Variants in NRXN1 observed in about 807,000 individuals in gnomAD.
NRXN1 encodes neurexin 1.
Under a neutral mutation model 150.9 loss-of-function variants are expected in NRXN1, and 39 were observed. That is an observed-to-expected ratio of 0.26 (90% CI 0.20 to 0.34). NRXN1 has a LOEUF of 0.34. NRXN1 is among the 10% of genes least tolerant of loss of function. The probability of loss-of-function intolerance (pLI) is 1.00; values close to 1 mark genes in which losing one functional copy is unlikely to be tolerated. For synonymous variants in NRXN1, 924 were observed against 757.0 expected (o/e 1.22, Z -3.62); for missense variants, 1,815 against 1,949.9 (o/e 0.93, Z 1.30).
At chr2:50,060,564 C>G (rs1483120289) in intron 19 of NRXN1, among the ~76,000 whole-genome samples, 1 of 151,968 alleles carries the variant, frequency 6.6e-6, no homozygotes, top group Admixed American at 6.6e-5. Flanking sequence ...TGGGAGGGGC[C>G]AGGGATATGG....
intron 7 of NRXN1, chr2:50,620,983 C>T (rs1228956325): frequency 1.1e-5 from 5 of 442,204 alleles, no homozygotes; most frequent in Non-Finnish European, 1.6e-5. Flanking sequence ...GGATGCAAAA[C>T]GTTCGAAACG....
At chr2:50,741,016 CCTT>C (rs1699358209) in intron 5 of NRXN1, among the ~76,000 whole-genome samples, 1 of 152,238 alleles carries the variant, frequency 6.6e-6, no homozygotes, top group Non-Finnish European at 1.5e-5. Context: ...TAAAATTACT[CCTT>C]CTGTCTGTCA....
chr2:50,570,347 A>C (rs532507430), intron 8 of NRXN1, among the ~76,000 whole-genome samples: 1 of 152,194 alleles, frequency 6.6e-6, no homozygotes, highest in Non-Finnish European at 1.5e-5. Flanking sequence ...GGGCATTTCC[A>C]TAGCACTGGT....
chr2:50,533,314 G>C (rs2093167732), intron 10 of NRXN1, among the ~76,000 whole-genome samples: 1 of 152,038 alleles, frequency 6.6e-6, no homozygotes, highest in South Asian at 2.1e-4. Context: ...TTTTCAATTG[G>C]AATATGAAAT....
intron 5 of NRXN1, among the ~76,000 whole-genome samples, chr2:50,728,190 C>T (rs548104760): frequency 3.2e-4 from 49 of 152,044 alleles, no homozygotes; most frequent in African/African-American, 1.0e-3. Context: ...ATTATAGACA[C>T]TTATATGACT....
At chr2:50,672,175 T>G (rs1688951261) in intron 5 of NRXN1, among the ~76,000 whole-genome samples, 1 of 151,940 alleles carries the variant, frequency 6.6e-6, no homozygotes, top group Admixed American at 6.6e-5. Context: ...CATAGGAACT[T>G]AAATAATTTG....
At chr2:50,196,794 A>C (rs928158600) in intron 18 of NRXN1, among the ~76,000 whole-genome samples, 1 of 152,182 alleles carries the variant, frequency 6.6e-6, no homozygotes, top group South Asian at 2.1e-4. Flanking sequence ...TTTCTCAGCA[A>C]ACTAATGCAG....
chr2:50,690,050 C>T (rs957133985), intron 5 of NRXN1, among the ~76,000 whole-genome samples: 2 of 152,046 alleles, frequency 1.3e-5, no homozygotes, highest in Admixed American at 1.3e-4. Flanking sequence ...CTATGCTTGG[C>T]TAATTTTTGT....
intron 17 of NRXN1, among the ~76,000 whole-genome samples, chr2:50,240,934 T>G (rs1252021643): frequency 6.6e-6 from 1 of 151,726 alleles, no homozygotes; most frequent in East Asian, 1.9e-4. Flanking sequence ...ATTGTTTTAT[T>G]TTAATATGAA....
At chr2:50,302,716 T>A (rs1003973427) in intron 17 of NRXN1, among the ~76,000 whole-genome samples, 7 of 152,172 alleles carry the variant, frequency 4.6e-5, no homozygotes, top group African/African-American at 1.2e-4. Context: ...GCTGAAAACA[T>A]CTTTCATTAC....
At chr2:50,409,537 G>A in intron 17 of NRXN1, among the ~76,000 whole-genome samples, 1 of 152,270 alleles carries the variant, frequency 6.6e-6, no homozygotes, top group East Asian at 1.9e-4. Flanking sequence ...ACATACTTAA[G>A]CACCCTCTTT....
chr2:50,519,438 A>G (rs1185118214), intron 12 of NRXN1, among the ~76,000 whole-genome samples: 1 of 152,002 alleles, frequency 6.6e-6, no homozygotes, highest in African/African-American at 2.4e-5. Context: ...TCTGAAATGA[A>G]TGGCTCACCT....
chr2:50,440,263 T>A (rs900760285), intron 17 of NRXN1, among the ~76,000 whole-genome samples: 2 of 152,116 alleles, frequency 1.3e-5, no homozygotes, highest in Non-Finnish European at 2.9e-5. Context: ...TGGTTCCAGA[T>A]GACATAGGGT....
At chr2:50,309,829 G>A (rs950994988) in intron 17 of NRXN1, among the ~76,000 whole-genome samples, 2 of 151,894 alleles carry the variant, frequency 1.3e-5, no homozygotes, top group Non-Finnish European at 2.9e-5. Flanking sequence ...TGTCCTGAGA[G>A]CCTAGCGGAA....
intron 17 of NRXN1, among the ~76,000 whole-genome samples, chr2:50,380,109 T>C (rs183572245): frequency 6.6e-6 from 1 of 152,124 alleles, no homozygotes; most frequent in African/African-American, 2.4e-5. Context: ...AGAATATATA[T>C]TTTTTACTTT....
At chr2:50,330,832 T>C (rs1054328057) in intron 17 of NRXN1, among the ~76,000 whole-genome samples, 4 of 152,164 alleles carry the variant, frequency 2.6e-5, no homozygotes, top group African/African-American at 7.2e-5. Flanking sequence ...GGCGACTCAT[T>C]AATAAAGCTG....
At chr2:50,146,301 C>A (rs184842065) in intron 18 of NRXN1, among the ~76,000 whole-genome samples, 235 of 151,718 alleles carry the variant, frequency 1.5e-3, no homozygotes, top group African/African-American at 5.3e-3. Flanking sequence ...CTAGAAATAC[C>A]ATTTGACCCA....
intron 15 of NRXN1, among the ~76,000 whole-genome samples, chr2:50,486,310 C>T (rs13410477): frequency 0.056 from 8,449 of 152,116 alleles, 820 homozygotes; most frequent in African/African-American, 0.19. Flanking sequence ...TATCTTTGAA[C>T]AGAGAATACA....
chr2:50,931,193 G>C (rs1245784941), intron 2 of NRXN1, among the ~76,000 whole-genome samples: 2 of 152,030 alleles, frequency 1.3e-5, no homozygotes, highest in Non-Finnish European at 2.9e-5. Context: ...TGAAAGAGCT[G>C]TCAAATGTCT....
Sources: gnomAD v4.1 joint callset for allele counts (sites outside exome capture counted in the v4.1 genomes callset) on GRCh38, gnomAD v4.1.1 for gene constraint, MANE v1.5 for transcripts, NCBI Gene and HGNC (gene_info 2026-07-23, HGNC 2026-07-21) for gene names.